EVC2: variants seen among roughly 807,000 people sequenced by gnomAD.
EVC2 encodes EvC ciliary complex subunit 2.
EVC2 carries 148 observed loss-of-function variants against 149.3 expected under a neutral mutation model. That is an observed-to-expected ratio of 0.99 (90% CI 0.87 to 1.14). EVC2 has a LOEUF of 1.14. EVC2 is among the 50% of genes most tolerant of loss of function. EVC2 has a pLI of 0.00. For missense variants in EVC2, 1,854 were observed against 1,627.3 expected (o/e 1.14, Z -2.40); for synonymous variants, 776 against 649.9 (o/e 1.19, Z -2.95).
intron 16 of EVC2, among the ~76,000 whole-genome samples, chr4:5,599,260 AC>A (rs1713754071): frequency 6.6e-6 from 1 of 151,338 alleles, no homozygotes; most frequent in Admixed American, 6.6e-5. Flanking sequence ...TGCTATAAAG[AC>A]ACATGCACAC....
At chr4:5,676,658 T>A (rs904894582) in intron 7 of EVC2, among the ~76,000 whole-genome samples, 6 of 152,178 alleles carry the variant, frequency 3.9e-5, no homozygotes, top group African/African-American at 1.4e-4. Context: ...GATGTTCAGC[T>A]GCCCCTTCCC....
chr4:5,574,814 A>G (rs769503876), intron 18 of EVC2, 42 bp from the exon 19 acceptor site: 1 of 1,571,732 alleles, frequency 6.4e-7, no homozygotes, highest in Non-Finnish European at 8.8e-7. Flanking sequence ...GTTTTGTTAT[A>G]AAGTGATACT....
chr4:5,650,632 T>TAGAGAGAGAG (rs1225235146), intron 9 of EVC2, among the ~76,000 whole-genome samples: 33 of 61,530 alleles, frequency 5.4e-4, no homozygotes, highest in Middle Eastern at 9.1e-3. Flanking sequence ...TATATATATA[T>TAGAGAGAGAG]ATATATAGAG....
In EVC2 at chr4:5,618,368, G is replaced by A; in HGVS notation, c.2706+110C>T. ...ATGCAGCCAGAGAGGAGAGGATAGGGGAGCATGAGGTGAGATGGGCTCAGG... is the reference window on the plus strand; with the variant it reads ...ATGCAGCCAGAGAGGAGAGGATAGGAGAGCATGAGGTGAGATGGGCTCAGG... On this transcript the variant is annotated intron_variant, in intron 15 of 21. Transcript: ENST00000344408. The surrounding 1 kb of genome is among the most constrained non-coding windows in gnomAD (Gnocchi z 4.4). The A allele has an allele frequency of 2.5e-6, 3 of 1,197,018 alleles. No individual in the cohort carries two copies. Among genetic ancestry groups the A allele is most frequent in the East Asian group, 2.4e-5 (1 of 41,330 alleles). The allele number at this position is 1,197,018 out of a possible 1,614,324, so 74.1% of individuals were successfully genotyped here. A position where few individuals can be genotyped will look rare whatever the true frequency, so the allele number is the denominator to read the frequency against.
chr4:5,694,895 G>T (rs1328490730), intron 2 of EVC2, among the ~76,000 whole-genome samples: 1 of 152,092 alleles, frequency 6.6e-6, no homozygotes, highest in Non-Finnish European at 1.5e-5. Flanking sequence ...CTATACCTCG[G>T]TTTGCTTAAT....
At chr4:5,650,814 A>G (rs1050570517) in intron 9 of EVC2, among the ~76,000 whole-genome samples, 1 of 152,080 alleles carries the variant, frequency 6.6e-6, no homozygotes, top group Admixed American at 6.6e-5. Context: ...ATTTGAACTC[A>G]TGACATGTTT....
intron 16 of EVC2, among the ~76,000 whole-genome samples, chr4:5,598,593 T>C (rs1287384735): frequency 2.6e-5 from 4 of 152,168 alleles, no homozygotes; most frequent in Non-Finnish European, 5.9e-5. Context: ...GACTTAAACG[T>C]TAGACCTAAA....
intron 7 of EVC2, among the ~76,000 whole-genome samples, chr4:5,674,617 T>C (rs1350598939): frequency 6.6e-6 from 1 of 151,890 alleles, no homozygotes; most frequent in East Asian, 1.9e-4. Context: ...CTGGTCAGGG[T>C]CCAGCAGGAG....
intron 16 of EVC2, among the ~76,000 whole-genome samples, chr4:5,599,122 G>A (rs71597778): frequency 0.31 from 47,700 of 151,506 alleles, 8,285 homozygotes; most frequent in South Asian, 0.42. Context: ...CACTGTTGGT[G>A]GGACTGTAAA....
At chr4:5,547,168 G>A (rs1721638628) in intron 21 of EVC2, among the ~76,000 whole-genome samples, 1 of 152,246 alleles carries the variant, frequency 6.6e-6, no homozygotes, top group African/African-American at 2.4e-5. Flanking sequence ...AGCAAAGTCA[G>A]GGCCAAGTCA....
intron 10 of EVC2, among the ~76,000 whole-genome samples, chr4:5,638,116 T>C (rs764641238): frequency 3.3e-5 from 5 of 151,962 alleles, no homozygotes; most frequent in Non-Finnish European, 7.4e-5. Context: ...TGGCCATGCG[T>C]GGTGGCTCAT....
At chr4:5,649,208 G>GT (rs1193583687) in intron 9 of EVC2, among the ~76,000 whole-genome samples, 2 of 152,034 alleles carry the variant, frequency 1.3e-5, no homozygotes, top group Non-Finnish European at 2.9e-5. Context: ...AGGAACATTT[G>GT]TTTTTTTGAG....
At chr4:5,678,537 A>G (rs73067727) in intron 7 of EVC2, among the ~76,000 whole-genome samples, 12,852 of 152,224 alleles carry the variant, frequency 0.084, 662 homozygotes, top group East Asian at 0.26. Flanking sequence ...CAAGGAAGAG[A>G]TGTTCCTAGA....
chr4:5,618,214 A>G lies in EVC2; in HGVS notation c.2706+264T>C, dbSNP rs1715410393. ...TCCCTCAGGAGATTGTGGCTGCGCA[A>G]GGCTGACACAGCTGCTGGTGGATGG... is the stretch of plus-strand genomic sequence containing the variant. On this transcript the variant is annotated intron_variant, in intron 15 of 21. Transcript: ENST00000344408. The surrounding 1 kb of genome is among the most constrained non-coding windows in gnomAD (Gnocchi z 4.4). 6.6e-6 allele frequency among the ~76,000 whole-genome samples: 1 copy of G among 152,182 alleles called. No homozygotes were observed. Among genetic ancestry groups the G allele is most frequent in the Admixed American group, 6.5e-5 (1 of 15,280 alleles).
At chr4:5,604,408 T>C (rs1185326159) in intron 16 of EVC2, among the ~76,000 whole-genome samples, 1 of 152,198 alleles carries the variant, frequency 6.6e-6, no homozygotes, top group Non-Finnish European at 1.5e-5. Context: ...GGATTTGCTT[T>C]CAATTAAAGT....
intron 9 of EVC2, among the ~76,000 whole-genome samples, chr4:5,644,448 G>C (rs569914576): frequency 1.3e-5 from 2 of 152,054 alleles, no homozygotes; most frequent in East Asian, 3.9e-4. Flanking sequence ...GGGACTACAG[G>C]CACCCGCCAC....
chr4:5,675,614 T>C (rs997583548), intron 7 of EVC2, among the ~76,000 whole-genome samples: 3 of 152,158 alleles, frequency 2.0e-5, no homozygotes, highest in Non-Finnish European at 2.9e-5. Context: ...GATGAAACTA[T>C]GATTTTTTTT....
chr4:5,617,079 T>C lies in EVC2; in HGVS notation c.2706+1399A>G, dbSNP rs559031098. Among the ~76,000 whole-genome samples the C allele has an allele frequency of 8.6e-5, 13 of 150,750 alleles. No homozygotes were observed. The South Asian group carries it at 2.7e-3, about 31-fold the overall frequency. ...TCCCACATCCTTGTAAGAACAGAAG[T>C]AGGGAAAAAAACAACAGTACTTAAA... On this transcript the variant is annotated intron_variant, in intron 15 of 21. Transcript: ENST00000344408.
At chr4:5,607,266 T>C (rs1005315341) in intron 16 of EVC2, among the ~76,000 whole-genome samples, 4 of 152,186 alleles carry the variant, frequency 2.6e-5, no homozygotes, top group African/African-American at 4.8e-5. Flanking sequence ...ATGAAAACAA[T>C]TGTAAAATTT....
Sources: allele counts gnomAD v4.1 joint callset (sites outside exome capture counted in the v4.1 genomes callset), GRCh38; gene constraint gnomAD v4.1.1; non-coding constraint Gnocchi (gnomAD v3.1); transcripts MANE v1.5; gene names NCBI Gene and HGNC (gene_info 2026-07-23, HGNC 2026-07-21).